Variants in PPA1 observed in about 807,000 individuals in gnomAD.
PPA1 encodes inorganic pyrophosphatase 1, also known as inorganic pyrophosphatase.
A neutral mutation model predicts 41.8 loss-of-function variants in PPA1; 23 were observed. That is an observed-to-expected ratio of 0.55 (90% confidence interval 0.40 to 0.78). The LOEUF (loss-of-function observed/expected upper bound fraction) is 0.78. Ranked by LOEUF, PPA1 falls within the 30% of genes least tolerant of loss-of-function variation. PPA1 has a pLI of 0.00. For synonymous variants in PPA1, 101 were observed against 116.8 expected (o/e 0.86, Z 0.87); for missense variants, 320 against 361.6 (o/e 0.89, Z 0.93).
At position 70,213,554 on chromosome 10, in the gene PPA1, A is replaced by G. The variant is rs748307812; in HGVS notation, c.420T>C (p.Val140=). The G allele has an allele frequency of 2.5e-6, 4 of 1,614,034 alleles. No homozygotes were observed. The highest frequency in any genetic ancestry group is 3.4e-6 in the Non-Finnish European group (4 of 1,179,928). The change falls in exon 6 of 11, where the codon GTT becomes GTC. Residue 140 remains valine (V), a synonymous_variant. Transcript: ENST00000373232. ...CARGEIIGVK[V]LGILAMIDEG... ...CGTCAATCATAGCCAATATGCCTAG[A>G]ACTTTCACGCCAATTATTTCACCTC...
At chr10:70,206,890 G>GGGAGGGGAGA (rs1839950015) in intron 8 of PPA1, among the ~76,000 whole-genome samples, 1 of 119,664 alleles carries the variant, frequency 8.4e-6, no homozygotes, top group Non-Finnish European at 1.7e-5. Context: ...GGGAGGGGAG[G>GGGAGGGGAGA]GGAGGGGAGG....
At chr10:70,206,641 C>A (rs986641541) in intron 8 of PPA1, among the ~76,000 whole-genome samples, 5 of 150,894 alleles carry the variant, frequency 3.3e-5, no homozygotes, top group African/African-American at 1.2e-4. Flanking sequence ...GTCAAGAGAT[C>A]GAGACCATCC....
At chr10:70,231,938 C>A (rs927569262) in intron 1 of PPA1, among the ~76,000 whole-genome samples, 6 of 152,172 alleles carry the variant, frequency 3.9e-5, no homozygotes, top group African/African-American at 1.4e-4. Context: ...ACCTTCAAAC[C>A]AGACAGTCAC....
chr10:70,209,751 G>A (rs889428309), intron 6 of PPA1, 66 bp from the exon 7 acceptor site: 2 of 1,491,386 alleles, frequency 1.3e-6, no homozygotes, highest in African/African-American at 2.8e-5. Context: ...AAGAGAATAA[G>A]CAGATTTCAA....
chr10:70,225,103 C>T (rs1252922234), intron 2 of PPA1, among the ~76,000 whole-genome samples: 1 of 152,198 alleles, frequency 6.6e-6, no homozygotes, highest in Non-Finnish European at 1.5e-5. Context: ...AAGTGGCTGA[C>T]ATTAGCATTT....
At chr10:70,211,064 C>T (rs182121353) in intron 6 of PPA1, among the ~76,000 whole-genome samples, 2 of 152,252 alleles carry the variant, frequency 1.3e-5, no homozygotes, top group East Asian at 3.9e-4. Flanking sequence ...CGCCCGGCCG[C>T]TTCAATCCAA....
intron 2 of PPA1, among the ~76,000 whole-genome samples, chr10:70,229,571 C>T (rs1255650722): frequency 6.6e-6 from 1 of 152,166 alleles, no homozygotes; most frequent in Non-Finnish European, 1.5e-5. Context: ...AGTCTGTGTG[C>T]CTACCTGTAT....
intron 2 of PPA1, among the ~76,000 whole-genome samples, chr10:70,229,918 C>CT (rs1025965293): frequency 2.7e-5 from 4 of 150,452 alleles, no homozygotes; most frequent in South Asian, 2.1e-4. Context: ...GTCAATGGAC[C>CT]TTTTTTTTTG....
intron 4 of PPA1, among the ~76,000 whole-genome samples, chr10:70,215,001 C>T (rs548212736): frequency 5.9e-5 from 9 of 152,042 alleles, no homozygotes; most frequent in Non-Finnish European, 1.3e-4. Flanking sequence ...TTGAGACCAG[C>T]CTAGCCAACA....
At position 70,204,885 on chromosome 10, in the gene PPA1, C is replaced by T; in HGVS notation, c.826G>A (p.Val276Ile). ...LPPPCESACT[V>I]PTDVDKWFHH... ...ATAGAAATCTTACCGTCTGTTGGTA[C>T]TGTGCAGGCAGATTCACAGGGTGGT... Residue 276 changes from valine (V) to isoleucine (I), a missense_variant, in exon 10 of 11, where the codon GTA becomes ATA. Physicochemically the swap from Val to Ile is conservative, Grantham distance 29 (BLOSUM62 3). Transcript: ENST00000373232. 3 of 1,594,514 alleles carry T rather than the reference C, an allele frequency of 1.9e-6. No homozygotes were observed. Among genetic ancestry groups the T allele is most frequent in the Admixed American group, 1.7e-5 (1 of 59,318 alleles).
Position 70,209,551 on chromosome 10 carries a change from A to G in PPA1, c.639+7T>C, listed in dbSNP as rs1839990810. The G allele has an allele frequency of 3.8e-6, 6 of 1,594,718 alleles. No individual in the cohort carries two copies. The highest frequency in any genetic ancestry group is 1.4e-5 in the African/African-American group (1 of 73,618). On this transcript the variant is annotated splice_region_variant and intron_variant, in intron 7 of 10. Coordinates refer to ENST00000373232, the MANE Select transcript of PPA1 (RefSeq NM_021129.4). Reference sequence around the variant, plus strand: ...GCCTAAAGCTACAGTTCTGAATGACATATTACCTTATCTTTAAATTCTGCA... The same window carrying G: ...GCCTAAAGCTACAGTTCTGAATGACGTATTACCTTATCTTTAAATTCTGCA...
intron 8 of PPA1, 45 bp from the exon 9 acceptor site, chr10:70,206,378 T>C: frequency 7.0e-7 from 1 of 1,424,986 alleles, no homozygotes; most frequent in South Asian, 1.2e-5. Flanking sequence ...ATAACAAAAA[T>C]TATCTCTTAA....
At chr10:70,205,009 T>C (rs1035448593) in intron 9 of PPA1, 94 bp from the exon 10 acceptor site, 1 of 916,834 alleles carries the variant, frequency 1.1e-6, no homozygotes, top group Non-Finnish European at 1.7e-6. Flanking sequence ...ATCTGAAGAC[T>C]ATCCCAAATT....
At chr10:70,217,130 C>T (rs1230280654) in intron 4 of PPA1, among the ~76,000 whole-genome samples, 1 of 151,234 alleles carries the variant, frequency 6.6e-6, no homozygotes, top group Non-Finnish European at 1.5e-5. Flanking sequence ...TGCACTCCAG[C>T]CCGGGTGACA....
chr10:70,230,414 A>G lies in PPA1; in HGVS notation c.65-15T>C. On this transcript the variant is annotated splice_polypyrimidine_tract_variant and intron_variant, in intron 1 of 10. Coordinates refer to ENST00000373232, the MANE Select transcript of PPA1 (RefSeq NM_021129.4). ...TTTCTCATTTTCTGCAAAATAAATT[A>G]GAAAAAGTTATTACTATAATTAATT... The G allele has an allele frequency of 6.3e-7, 1 of 1,596,298 alleles. No individual in the cohort carries two copies. Among genetic ancestry groups the G allele is most frequent in the African/African-American group, 1.3e-5 (1 of 74,480 alleles).
At chr10:70,214,975 A>T (rs1589893025) in intron 4 of PPA1, among the ~76,000 whole-genome samples, 1 of 152,258 alleles carries the variant, frequency 6.6e-6, no homozygotes, top group East Asian at 1.9e-4. Flanking sequence ...AGAGTGGATC[A>T]CCTGAGGTCA....
At chr10:70,204,617 C>A in intron 10 of PPA1, 1 of 393,812 alleles carries the variant, frequency 2.5e-6, no homozygotes, top group Non-Finnish European at 4.6e-6. Flanking sequence ...AGGATGGTGA[C>A]TGTAACATCT....
intron 8 of PPA1, among the ~76,000 whole-genome samples, chr10:70,207,917 G>C (rs1324019284): frequency 7.8e-6 from 1 of 128,966 alleles, no homozygotes; most frequent in East Asian, 2.3e-4. Flanking sequence ...TCAAGGCCGG[G>C]TGTGGTGGCT....
At chr10:70,210,821 A>G (rs1487574396) in intron 6 of PPA1, among the ~76,000 whole-genome samples, 1 of 150,160 alleles carries the variant, frequency 6.7e-6, no homozygotes, top group Non-Finnish European at 1.5e-5. Context: ...GCTGGAGTGC[A>G]GTGGCGCAAT....
Sources: allele counts gnomAD v4.1 joint callset (sites outside exome capture counted in the v4.1 genomes callset), GRCh38; gene constraint gnomAD v4.1.1; transcripts MANE v1.5; gene names NCBI Gene and HGNC (gene_info 2026-07-23, HGNC 2026-07-21).